Variants in GPC5 observed in about 807,000 individuals in gnomAD.
GPC5 encodes glypican 5.
Under a neutral mutation model 53.9 loss-of-function variants are expected in GPC5, and 47 were observed. The ratio of observed to expected loss-of-function variants is 0.87; its 90% CI spans 0.69 to 1.11. The LOEUF is 1.11. Ranked by LOEUF, GPC5 falls within the 50% of genes most tolerant of loss-of-function variation. GPC5 has a pLI of 0.00. For missense variants in GPC5, 748 were observed against 713.1 expected, an observed-to-expected ratio of 1.05 and a Z score of -0.56; for synonymous variants, 286 against 263.3, an observed-to-expected ratio of 1.09 and a Z score of -0.84.
intron 7 of GPC5, among the ~76,000 whole-genome samples, chr13:92,315,211 C>T (rs552434347): frequency 1.6e-4 from 24 of 152,300 alleles, no homozygotes; most frequent in African/African-American, 5.5e-4. Flanking sequence ...GAAATTCTCT[C>T]TGGGAAGTTC....
chr13:91,621,083 G>A (rs1269142560), intron 2 of GPC5, among the ~76,000 whole-genome samples: 1 of 152,030 alleles, frequency 6.6e-6, no homozygotes, highest in Non-Finnish European at 1.5e-5. Flanking sequence ...GAATGTGTGG[G>A]GAGATAGTCC....
At chr13:91,798,256 G>C (rs1394535231) in intron 5 of GPC5, among the ~76,000 whole-genome samples, 3 of 152,158 alleles carry the variant, frequency 2.0e-5, no homozygotes, top group Admixed American at 6.5e-5. Context: ...CGTGTGCCAT[G>C]GTGGTTTGCA....
intron 1 of GPC5, among the ~76,000 whole-genome samples, chr13:91,415,470 C>T (rs537796426): frequency 1.3e-5 from 2 of 152,236 alleles, no homozygotes; most frequent in East Asian, 1.9e-4. Context: ...AGTCCACAGC[C>T]GCACATAGAC....
chr13:91,688,802 TAATACTC>T (rs1389859586), intron 2 of GPC5, among the ~76,000 whole-genome samples: 1 of 152,076 alleles, frequency 6.6e-6, no homozygotes, highest in East Asian at 1.9e-4. Context: ...TTACTATACT[TAATACTC>T]TAGGCGTTTG....
In GPC5 at chr13:92,297,469, C is replaced by T. The variant is rs1385866529; in HGVS notation, c.1561+152480C>T. Among the ~76,000 whole-genome samples, 26 of 138,832 alleles carry T rather than the reference C, an allele frequency of 1.9e-4. 1 individual carries two copies. The highest frequency in any genetic ancestry group is 6.7e-4 in the African/African-American group (24 of 36,034). 91.1% of individuals were successfully genotyped at this position (138,832 alleles called of 152,430 possible). The stretch of plus-strand genomic sequence containing the variant: ...GCTCAAGGATTGTAAATACACCAAT[C>T]GGCACTCTGTATCTAGCTCAAGGTT... On this transcript the variant is annotated intron_variant, in intron 7 of 7. Transcript: ENST00000377067.
intron 6 of GPC5, among the ~76,000 whole-genome samples, chr13:91,954,732 G>T (rs889534861): frequency 8.6e-5 from 13 of 151,884 alleles, no homozygotes; most frequent in African/African-American, 3.1e-4. Flanking sequence ...AATTACTGTA[G>T]TAGATACTCA....
intron 2 of GPC5, among the ~76,000 whole-genome samples, chr13:91,634,774 G>C (rs978747548): frequency 3.3e-5 from 5 of 152,006 alleles, no homozygotes; most frequent in African/African-American, 1.2e-4. Flanking sequence ...TTGAAAAGTA[G>C]CATAGGAGTA....
intron 6 of GPC5, among the ~76,000 whole-genome samples, chr13:92,030,990 A>AAGTCCT (rs1200960744): frequency 1.3e-5 from 2 of 152,186 alleles, no homozygotes; most frequent in African/African-American, 4.8e-5. Context: ...GCTAAGAACA[A>AAGTCCT]AGTCCTATAA....
chr13:92,430,136 A>C (rs913170986), intron 7 of GPC5, among the ~76,000 whole-genome samples: 1 of 152,104 alleles, frequency 6.6e-6, no homozygotes, highest in East Asian at 1.9e-4. Context: ...ATTTAAAGAA[A>C]AAAAAAGTGC....
intron 6 of GPC5, among the ~76,000 whole-genome samples, chr13:92,058,202 A>AT (rs1198776965): frequency 6.6e-6 from 1 of 152,050 alleles, no homozygotes; most frequent in Non-Finnish European, 1.5e-5. Context: ...TTTAATTTTT[A>AT]TTTTTTTGTA....
chr13:91,560,905 T>C (rs1327797988), intron 2 of GPC5, among the ~76,000 whole-genome samples: 1 of 152,164 alleles, frequency 6.6e-6, no homozygotes, highest in Non-Finnish European at 1.5e-5. Flanking sequence ...ACTCTGTGGT[T>C]GAAGCCTAGC....
At chr13:91,420,080 A>G (rs560877924) in intron 1 of GPC5, among the ~76,000 whole-genome samples, 1 of 152,148 alleles carries the variant, frequency 6.6e-6, no homozygotes, top group Non-Finnish European at 1.5e-5. Context: ...GACTTCTTGC[A>G]TTTCCTGTGT....
At position 92,305,096 on chromosome 13, in the gene GPC5, A is replaced by G. The variant is rs368321548; in HGVS notation, c.1561+160107A>G. On this transcript the variant is annotated intron_variant, in intron 7 of 7. Transcript: ENST00000377067. ...TTGATGTAATTATCAGAATAACAGT[A>G]TAATTCATTGCTCATCTCAACTATT... Among the ~76,000 whole-genome samples the G allele has an allele frequency of 2.0e-5, 3 of 152,328 alleles. No individual in the cohort carries two copies. In the East Asian group the frequency reaches 5.8e-4, roughly 29 times the overall value.
At chr13:92,162,671 A>G (rs996044194) in intron 7 of GPC5, among the ~76,000 whole-genome samples, 1 of 152,244 alleles carries the variant, frequency 6.6e-6, no homozygotes, top group African/African-American at 2.4e-5. Flanking sequence ...GTTATATACA[A>G]TGTAGGCTGG....
chr13:91,450,133 T>G (rs930014679), intron 2 of GPC5, among the ~76,000 whole-genome samples: 1 of 152,158 alleles, frequency 6.6e-6, no homozygotes, highest in African/African-American at 2.4e-5. Context: ...TAATGCTTTT[T>G]TGTAGAAAGC....
intron 7 of GPC5, among the ~76,000 whole-genome samples, chr13:92,770,090 C>A (rs1045448242): frequency 1.3e-5 from 2 of 152,108 alleles, no homozygotes; most frequent in African/African-American, 4.8e-5. Flanking sequence ...TTATTCCTTT[C>A]CTTTTCCTTA....
At chr13:92,821,933 A>C (rs1877688080) in intron 7 of GPC5, among the ~76,000 whole-genome samples, 1 of 152,132 alleles carries the variant, frequency 6.6e-6, no homozygotes, top group Non-Finnish European at 1.5e-5. Context: ...ACAAGAAAAA[A>C]AATGGGAGGG....
intron 7 of GPC5, among the ~76,000 whole-genome samples, chr13:92,160,152 C>T (rs2041976537): frequency 6.6e-6 from 1 of 151,096 alleles, no homozygotes; most frequent in Non-Finnish European, 1.5e-5. Flanking sequence ...TCAAGCGATC[C>T]ACTTGCCTCA....
At chr13:92,777,740 C>A (rs1166638494) in intron 7 of GPC5, among the ~76,000 whole-genome samples, 3 of 152,194 alleles carry the variant, frequency 2.0e-5, no homozygotes, top group Non-Finnish European at 2.9e-5. Flanking sequence ...TGGGCATGGT[C>A]ACTTTCTGCC....
Sources: allele counts gnomAD v4.1 joint callset (sites outside exome capture counted in the v4.1 genomes callset), GRCh38; gene constraint gnomAD v4.1.1; transcripts MANE v1.5; gene names NCBI Gene and HGNC (gene_info 2026-07-23, HGNC 2026-07-21).